ST7: variants seen among roughly 807,000 people sequenced by gnomAD.
ST7 encodes suppressor of tumorigenicity 7 protein.
A neutral mutation model predicts 78.7 loss-of-function variants in ST7; 28 were observed. The ratio of observed to expected loss-of-function variants is 0.36; its 90% CI spans 0.26 to 0.49. The LOEUF (loss-of-function observed/expected upper bound fraction) is 0.49, where lower values mean the gene tolerates loss of function less well. Among genes scored for constraint, ST7 ranks in the 20% least tolerant of loss-of-function variants. The pLI, the probability that ST7 is intolerant of heterozygous loss-of-function variation, is 0.99. For missense variants in ST7, 418 were observed against 696.0 expected (o/e 0.60, Z 4.49); for synonymous variants, 247 against 249.6 (o/e 0.99, Z 0.10).
At position 116,998,304 on chromosome 7, in the gene ST7, C is replaced by T. The variant is rs184937450; in HGVS notation, c.151+44613C>T. ...TGGCCACTCTGAGTGTGGGGCCCGC[C>T]GAGCCCACACCCACCCGGAACTCAC... On this transcript the variant is annotated intron_variant, in intron 1 of 15. Coordinates refer to ENST00000323984, the MANE Select transcript of ST7 (RefSeq NM_001369598.1). Among the ~76,000 whole-genome samples the T allele has an allele frequency of 2.3e-3, 346 of 152,250 alleles. 2 individuals carry two copies. Among genetic ancestry groups the T allele is most frequent in the African/African-American group, 7.6e-3 (317 of 41,540 alleles).
At chr7:117,207,963 G>T (rs1236347593) in intron 12 of ST7, among the ~76,000 whole-genome samples, 2 of 151,544 alleles carry the variant, frequency 1.3e-5, no homozygotes, top group Non-Finnish European at 2.9e-5. Context: ...GTAGCCTCGG[G>T]GTCCTTTAAG....
chr7:117,215,960 A>G (rs1305821158), intron 13 of ST7, among the ~76,000 whole-genome samples: 1 of 152,052 alleles, frequency 6.6e-6, no homozygotes, highest in Admixed American at 6.6e-5. Flanking sequence ...GATTGATTAC[A>G]TTCTATCCTT....
intron 12 of ST7, among the ~76,000 whole-genome samples, chr7:117,199,616 T>C (rs1196932472): frequency 6.6e-6 from 1 of 152,232 alleles, no homozygotes; most frequent in East Asian, 1.9e-4. Context: ...TGTACAATTC[T>C]GAAGCAGAGT....
intron 1 of ST7, among the ~76,000 whole-genome samples, chr7:116,976,649 T>C (rs755050766): frequency 4.6e-5 from 7 of 152,196 alleles, no homozygotes; most frequent in Non-Finnish European, 8.8e-5. Flanking sequence ...CCAACATCCG[T>C]GAGGTAGGGC....
intron 1 of ST7, among the ~76,000 whole-genome samples, chr7:117,059,043 T>C (rs1256870525): frequency 1.3e-5 from 2 of 152,020 alleles, no homozygotes; most frequent in African/African-American, 4.8e-5. Context: ...TTACCAGAGA[T>C]TGGGAAGGTG....
chr7:117,214,910 T>TTGTGTG (rs147915016), intron 13 of ST7, among the ~76,000 whole-genome samples: 157 of 143,252 alleles, frequency 1.1e-3, no homozygotes, highest in Middle Eastern at 3.5e-3. Context: ...GGAAGAACAT[T>TTGTGTG]TGTGTGTGTG....
At chr7:117,016,293 G>T (rs1584456265) in intron 1 of ST7, among the ~76,000 whole-genome samples, 1 of 152,056 alleles carries the variant, frequency 6.6e-6, no homozygotes, top group Non-Finnish European at 1.5e-5. Flanking sequence ...TTTTTAGAAG[G>T]TTCGCTTTAT....
chr7:116,992,112 C>T (rs1161540336), intron 1 of ST7, among the ~76,000 whole-genome samples: 4 of 152,202 alleles, frequency 2.6e-5, no homozygotes, highest in Non-Finnish European at 5.9e-5. Context: ...TGTTGAGTGT[C>T]TGTGGCTGTT....
intron 9 of ST7, among the ~76,000 whole-genome samples, chr7:117,139,281 C>A (rs1292371583): frequency 1.3e-5 from 2 of 152,108 alleles, no homozygotes; most frequent in Non-Finnish European, 2.9e-5. Context: ...AGGCTATTTT[C>A]TTTTTAAAAA....
intron 1 of ST7, among the ~76,000 whole-genome samples, chr7:116,969,346 C>A (rs191807984): frequency 6.6e-6 from 1 of 152,202 alleles, no homozygotes; most frequent in East Asian, 1.9e-4. Flanking sequence ...TTGAGGAGTA[C>A]CAGTCAAGAA....
intron 1 of ST7, among the ~76,000 whole-genome samples, chr7:117,090,084 C>T (rs1191156237): frequency 6.6e-6 from 1 of 152,154 alleles, no homozygotes; most frequent in Non-Finnish European, 1.5e-5. Flanking sequence ...AACTATCCCA[C>T]ATGACTAATT....
intron 1 of ST7, among the ~76,000 whole-genome samples, chr7:116,971,633 C>T (rs1321986530): frequency 6.6e-6 from 1 of 152,198 alleles, no homozygotes; most frequent in African/African-American, 2.4e-5. Context: ...CTGGAATCAC[C>T]TTTCTGGTTT....
chr7:117,163,097 A>G (rs1240191940), intron 9 of ST7, among the ~76,000 whole-genome samples: 2 of 152,112 alleles, frequency 1.3e-5, no homozygotes, highest in Non-Finnish European at 2.9e-5. Flanking sequence ...CTTGCTGCCA[A>G]TGATTGGATT....
Position 117,134,116 on chromosome 7 carries a change from T to G in ST7, c.642-8T>G, listed in dbSNP as rs1405572247. ...CATTTTACCAACTATTTTTTTCTTC[T>G]TGGTCAGAATTAGGTCCAGAGTTGA... On this transcript the variant is annotated splice_region_variant and splice_polypyrimidine_tract_variant and intron_variant, in intron 6 of 15. Transcript: ENST00000323984. The G allele has an allele frequency of 6.2e-7, 1 of 1,611,266 alleles. No individual in the cohort carries two copies. Among genetic ancestry groups the G allele is most frequent in the Non-Finnish European group, 8.5e-7 (1 of 1,178,486 alleles).
intron 1 of ST7, among the ~76,000 whole-genome samples, chr7:116,981,145 G>C (rs1324600695): frequency 6.6e-6 from 1 of 151,484 alleles, no homozygotes; most frequent in Non-Finnish European, 1.5e-5. Context: ...ATCTTGCTCT[G>C]TCACCCAGGC....
chr7:117,146,029 C>T (rs1350941677), intron 9 of ST7: 1 of 152,140 alleles, frequency 6.6e-6, no homozygotes, highest in Admixed American at 6.5e-5. Flanking sequence ...CTGAGAACTA[C>T]AGGGTTTTTA....
chr7:117,093,705 A>C (rs6979097), intron 1 of ST7, among the ~76,000 whole-genome samples: 6,111 of 152,218 alleles, frequency 0.04, 362 homozygotes, highest in African/African-American at 0.13. Flanking sequence ...CGTCTCAAAA[A>C]AACAACAACA....
At chr7:117,209,091 C>T (rs926900711) in intron 12 of ST7, among the ~76,000 whole-genome samples, 9 of 152,100 alleles carry the variant, frequency 5.9e-5, no homozygotes, top group Admixed American at 3.9e-4. Context: ...TCTCAGCCCC[C>T]GGGAAGTATA....
chr7:117,054,498 G>A (rs377664070), intron 1 of ST7, among the ~76,000 whole-genome samples: 1 of 152,306 alleles, frequency 6.6e-6, no homozygotes, highest in Non-Finnish European at 1.5e-5. Context: ...CTTAGGAGGT[G>A]ACATTTATTG....
Sources: allele counts gnomAD v4.1 joint callset (sites outside exome capture counted in the v4.1 genomes callset), GRCh38; gene constraint gnomAD v4.1.1; transcripts MANE v1.5; gene names NCBI Gene and HGNC (gene_info 2026-07-23, HGNC 2026-07-21).